Variants in GASK1A observed in about 807,000 individuals in gnomAD.
The protein encoded by GASK1A is golgi associated kinase 1A, also known as Golgi-associated kinase 1A.
A neutral mutation model predicts 41.2 loss-of-function variants in GASK1A; 40 were observed. The observed-to-expected ratio is 0.97, with a 90% CI of 0.75 to 1.27. The LOEUF (loss-of-function observed/expected upper bound fraction) is 1.27, where lower values mean the gene tolerates loss of function less well. Ranked by LOEUF, GASK1A falls within the 50% of genes most tolerant of loss-of-function variation. The pLI is 0.00. For synonymous variants in GASK1A, 316 were observed against 307.1 expected, an observed-to-expected ratio of 1.03 and a Z score of -0.30; for missense variants, 678 against 745.1, an observed-to-expected ratio of 0.91 and a Z score of 1.05.
intron 1 of GASK1A, among the ~76,000 whole-genome samples, chr3:43,014,573 G>T (rs2089480517): frequency 6.6e-6 from 1 of 152,126 alleles, no homozygotes; most frequent in African/African-American, 2.4e-5. Flanking sequence ...TTGCAGGAAG[G>T]GGCTGCAGGG....
intron 1 of GASK1A, among the ~76,000 whole-genome samples, chr3:43,008,176 C>T (rs2089446023): frequency 6.6e-6 from 1 of 152,212 alleles, no homozygotes; most frequent in South Asian, 2.1e-4. Flanking sequence ...GCCTCAGTTT[C>T]CTCAGCTTCC....
At chr3:43,051,132 A>T (rs1473199259) in intron 2 of GASK1A, among the ~76,000 whole-genome samples, 1 of 152,192 alleles carries the variant, frequency 6.6e-6, no homozygotes, top group African/African-American at 2.4e-5. Flanking sequence ...GCCACTTTGA[A>T]AATCAGATTC....
chr3:43,037,413 G>T, intron 2 of GASK1A: 1 of 934,924 alleles, frequency 1.1e-6, no homozygotes, highest in Non-Finnish European at 1.7e-6. Context: ...CCACACAGAA[G>T]CTGCTCTGGA....
At chr3:42,982,907 A>G (rs1163945859) in intron 1 of GASK1A, among the ~76,000 whole-genome samples, 2 of 152,188 alleles carry the variant, frequency 1.3e-5, no homozygotes, top group East Asian at 3.9e-4. Context: ...CCTCCTTGGG[A>G]GAACCAAGAG....
chr3:42,980,606 G>A (rs1268942432), intron 1 of GASK1A, among the ~76,000 whole-genome samples: 1 of 152,156 alleles, frequency 6.6e-6, no homozygotes, highest in Admixed American at 6.5e-5. Flanking sequence ...TGCGCTGTAG[G>A]ATGGAGGGTC....
chr3:42,985,179 CTT>C (rs1236721002), intron 1 of GASK1A, among the ~76,000 whole-genome samples: 2 of 152,130 alleles, frequency 1.3e-5, no homozygotes, highest in African/African-American at 2.4e-5. Context: ...AAAAAAATAA[CTT>C]ATTCTCTTTG....
intron 4 of GASK1A, 45 bp downstream of exon 4, chr3:43,055,580 T>C (rs775053891): frequency 1.5e-6 from 2 of 1,373,156 alleles, no homozygotes; most frequent in South Asian, 1.2e-5. Context: ...GACTGAGACC[T>C]GATGGCCTTG....
chr3:43,030,581 C>T (rs1533697), intron 1 of GASK1A, among the ~76,000 whole-genome samples: 29,540 of 152,224 alleles, frequency 0.19, 3,160 homozygotes, highest in South Asian at 0.35. Context: ...TTCCTTCTCT[C>T]TCCCTGCAGA....
intron 1 of GASK1A, among the ~76,000 whole-genome samples, chr3:43,023,998 G>A (rs1458425773): frequency 1.3e-5 from 2 of 152,186 alleles, no homozygotes; most frequent in African/African-American, 2.4e-5. Context: ...TGTGGGGGCA[G>A]CTGGAGTCAA....
intron 1 of GASK1A, among the ~76,000 whole-genome samples, chr3:42,991,630 G>A (rs565190696): frequency 4.6e-5 from 7 of 152,312 alleles, no homozygotes; most frequent in African/African-American, 1.7e-4. Flanking sequence ...CTATGGTGGG[G>A]GCTGCGGTCA....
chr3:42,983,733 CCT>C (rs1287808036), intron 1 of GASK1A, among the ~76,000 whole-genome samples: 1 of 152,160 alleles, frequency 6.6e-6, no homozygotes, highest in Non-Finnish European at 1.5e-5. Context: ...AATTTGATCC[CCT>C]CTCTCTTCTG....
In GASK1A at chr3:43,053,626, C is replaced by T. The variant is rs377221998; in HGVS notation, c.1396C>T (p.Arg466Trp). ...REKCQNPAEL[R>W]LVHILVRSSD... is the part of the protein sequence containing the mutation. ...GAAATGCCAGAACCCAGCCGAGCTG[C>T]GGCTGGTCCACATCCTGGTACGTCT... Residue 466 changes from arginine to tryptophan, a missense_variant, in exon 3 of 5, where the codon CGG becomes TGG. Transcript: ENST00000430121. 4.1e-5 allele frequency: 63 copies of T among 1,551,580 alleles called. 1 individual carries two copies. In the South Asian group the frequency reaches 5.0e-4, roughly 12 times the overall value.
At chr3:43,004,984 A>G (rs2089428758) in intron 1 of GASK1A, among the ~76,000 whole-genome samples, 1 of 152,128 alleles carries the variant, frequency 6.6e-6, no homozygotes, top group Non-Finnish European at 1.5e-5. Flanking sequence ...TATCCTTTAG[A>G]GGCCACCTGC....
chr3:42,980,823 C>CA (rs2089279162), intron 1 of GASK1A, among the ~76,000 whole-genome samples: 1 of 152,030 alleles, frequency 6.6e-6, no homozygotes, highest in African/African-American at 2.4e-5. Context: ...TCTTAAGCTT[C>CA]AAAAGGGGGA....
intron 1 of GASK1A, among the ~76,000 whole-genome samples, chr3:42,987,726 T>C (rs893746265): frequency 3.9e-5 from 6 of 151,952 alleles, no homozygotes; most frequent in Non-Finnish European, 5.9e-5. Context: ...AGGCTGGGTG[T>C]GGTGGCTCAC....
chr3:43,001,730 C>T (rs1027009431), intron 1 of GASK1A, among the ~76,000 whole-genome samples: 1 of 151,936 alleles, frequency 6.6e-6, no homozygotes, highest in African/African-American at 2.4e-5. Flanking sequence ...ATAGGTGGGC[C>T]CCTGCGGATG....
At chr3:43,000,951 G>A (rs2089405536) in intron 1 of GASK1A, among the ~76,000 whole-genome samples, 3 of 152,160 alleles carry the variant, frequency 2.0e-5, no homozygotes, top group Admixed American at 6.5e-5. Context: ...GAAAAATTTT[G>A]TTCTTTTGAG....
At chr3:43,035,721 G>A (rs191072454) in intron 2 of GASK1A, among the ~76,000 whole-genome samples, 2 of 152,140 alleles carry the variant, frequency 1.3e-5, no homozygotes, top group African/African-American at 4.8e-5. Flanking sequence ...ACTTAGTACA[G>A]TGCCTGGCGG....
intron 2 of GASK1A, among the ~76,000 whole-genome samples, chr3:43,033,838 A>G (rs910249709): frequency 6.6e-6 from 1 of 152,252 alleles, no homozygotes; most frequent in Non-Finnish European, 1.5e-5. Flanking sequence ...TAGAAACAAT[A>G]AATTATATTA....
Sources: allele counts gnomAD v4.1 joint callset (sites outside exome capture counted in the v4.1 genomes callset), GRCh38; gene constraint gnomAD v4.1.1; transcripts MANE v1.5; gene names NCBI Gene and HGNC (gene_info 2026-07-23, HGNC 2026-07-21).